PRKG2: variants seen among roughly 807,000 people sequenced by gnomAD.
PRKG2 encodes the protein protein kinase cGMP-dependent 2.
In PRKG2, 33 loss-of-function variants were observed where a neutral mutation model predicts 97.2. The ratio of observed to expected loss-of-function variants is 0.34; its 90% CI spans 0.26 to 0.45. The LOEUF is 0.45. Ranked by LOEUF, PRKG2 falls within the 20% of genes least tolerant of loss-of-function variation. The pLI is 1.00. For missense variants in PRKG2, 638 were observed against 900.0 expected (o/e 0.71, Z 3.73); for synonymous variants, 330 against 321.8 (o/e 1.03, Z -0.27).
intron 2 of PRKG2, among the ~76,000 whole-genome samples, chr4:81,179,793 G>A (rs1751249074): frequency 6.6e-6 from 1 of 152,112 alleles, no homozygotes; most frequent in Non-Finnish European, 1.5e-5. Flanking sequence ...AAGGATGCAT[G>A]CCATAATTTA....
At chr4:81,162,134 T>C (rs1035130759) in intron 6 of PRKG2, among the ~76,000 whole-genome samples, 5 of 152,170 alleles carry the variant, frequency 3.3e-5, no homozygotes, top group African/African-American at 1.2e-4. Flanking sequence ...ATTAAGATTA[T>C]ATTTACTACT....
chr4:81,168,397 A>AT (rs1385223518), intron 5 of PRKG2, among the ~76,000 whole-genome samples: 2 of 152,146 alleles, frequency 1.3e-5, no homozygotes. Flanking sequence ...GAAAGAATGA[A>AT]TATTCACTAG....
chr4:81,171,632 C>T, intron 4 of PRKG2, 59 bp downstream of exon 4: 1 of 1,335,304 alleles, frequency 7.5e-7, no homozygotes, highest in Non-Finnish European at 1.0e-6. Flanking sequence ...TGTGACTGGA[C>T]TAGATTATCT....
intron 14 of PRKG2, 139 bp from the exon 15 acceptor site, chr4:81,110,750 A>AGAGAG (rs1553919002): frequency 1.7e-5 from 6 of 358,878 alleles, no homozygotes; most frequent in African/African-American, 3.2e-5. Context: ...CACACACACA[A>AGAGAG]AGAGAGAGAG....
intron 14 of PRKG2, among the ~76,000 whole-genome samples, chr4:81,121,060 C>CT (rs1194415453): frequency 3.3e-5 from 5 of 151,670 alleles, no homozygotes; most frequent in African/African-American, 7.3e-5. Flanking sequence ...TAATATAATG[C>CT]TTTTTTTTCA....
intron 14 of PRKG2, among the ~76,000 whole-genome samples, chr4:81,124,426 A>G (rs532980997): frequency 7.9e-5 from 12 of 152,202 alleles, no homozygotes; most frequent in African/African-American, 1.2e-4. Flanking sequence ...TCATCCCACA[A>G]TGAATTAGAG....
At chr4:81,140,746 T>C in intron 11 of PRKG2, 77 bp from the exon 12 acceptor site, 1 of 1,308,568 alleles carries the variant, frequency 7.6e-7, no homozygotes, top group Non-Finnish European at 1.1e-6. Flanking sequence ...GAGTTAAAAC[T>C]GTTTCATGTT....
chr4:81,171,041 T>C (rs1323479787), intron 4 of PRKG2, among the ~76,000 whole-genome samples: 1 of 152,166 alleles, frequency 6.6e-6, no homozygotes. Flanking sequence ...AGGATACACA[T>C]GCAAGACATG....
rs184856475 is a variant in PRKG2 at position 81,195,951 on chromosome 4, C to A, written c.461+8636G>T. On this transcript the variant is annotated intron_variant, in intron 2 of 18. Coordinates refer to ENST00000264399, the MANE Select transcript of PRKG2 (RefSeq NM_006259.3). ...ATGAGGAGTGAGGACCTGTGACTTG[C>A]TCCTCATCAACAAAACACAGCAATG... 3.9e-5 allele frequency among the ~76,000 whole-genome samples: 6 copies of A among 152,282 alleles called. No individual in the cohort carries two copies. The South Asian group carries it at 1.2e-3, about 32-fold the overall frequency.
At position 81,137,427 on chromosome 4, in the gene PRKG2, A is replaced by G. The variant is rs146605505; in HGVS notation, c.1600T>C (p.Leu534=). The stretch of plus-strand genomic sequence containing the variant: ...AATATACTCCAGAGCTCCCCACCTA[A>G]GCAGGCCTCCAGAAGCATGTATACA... The part of the protein sequence containing the change: ...KYVYMLLEAC[L]GGELWSILRD... Residue 534 remains leucine (L), a synonymous_variant, in exon 13 of 19, where the codon TTA becomes CTA. Transcript: ENST00000264399. 27 of 1,612,862 alleles carry G rather than the reference A, an allele frequency of 1.7e-5. No homozygotes were observed. The African/African-American group carries it at 3.3e-4, about 20-fold the overall frequency.
chr4:81,097,624 T>A (rs1368557356), intron 17 of PRKG2, among the ~76,000 whole-genome samples: 3 of 152,222 alleles, frequency 2.0e-5, no homozygotes, highest in African/African-American at 7.2e-5. Context: ...TATTCTTCAC[T>A]GAAAATCTGT....
Position 81,110,636 on chromosome 4 carries a change from G to C in PRKG2, c.1777-25C>G, listed in dbSNP as rs547207737. On this transcript the variant is annotated intron_variant, in intron 14 of 18. Coordinates refer to ENST00000264399, the MANE Select transcript of PRKG2 (RefSeq NM_006259.3). ...CCTGGTAAAGAATAGCAAAGAAATT[G>C]TGCAGAAACCATAAAACTCATGCTC... 129 of 1,612,392 alleles carry C rather than the reference G, an allele frequency of 8.0e-5. 2 individuals are homozygous for C. The highest frequency in any genetic ancestry group is 5.3e-4 in the South Asian group (48 of 90,928).
intron 2 of PRKG2, among the ~76,000 whole-genome samples, chr4:81,191,083 G>A (rs1752443934): frequency 6.6e-6 from 1 of 151,700 alleles, no homozygotes; most frequent in African/African-American, 2.4e-5. Context: ...CCATTACTTG[G>A]TATATACCCA....
chr4:81,116,459 C>T (rs1398206778), intron 14 of PRKG2, among the ~76,000 whole-genome samples: 2 of 152,020 alleles, frequency 1.3e-5, no homozygotes, highest in African/African-American at 4.8e-5. Context: ...CATGTTTTTG[C>T]TCTTGGGAAT....
chr4:81,108,286 T>A (rs1455993973), intron 15 of PRKG2, among the ~76,000 whole-genome samples: 3 of 152,122 alleles, frequency 2.0e-5, no homozygotes, highest in Non-Finnish European at 4.4e-5. Context: ...TGACTTTCCA[T>A]GAACTACTTT....
rs190257825 is a variant in PRKG2, at chr4:81,187,716, C to T, written c.462-12757G>A. ...TGACATGATTGTATATTTCGCAAAC[C>T]CCATCGTCTCAGCCCAAAATCACCT... On this transcript the variant is annotated intron_variant, in intron 2 of 18. Coordinates refer to ENST00000264399, the MANE Select transcript of PRKG2 (RefSeq NM_006259.3). 7.2e-5 allele frequency among the ~76,000 whole-genome samples: 11 copies of T among 152,140 alleles called. No individual in the cohort carries two copies. The East Asian group carries it at 2.1e-3, about 29-fold the overall frequency.
At chr4:81,099,879 A>G (rs1004875526) in intron 17 of PRKG2, among the ~76,000 whole-genome samples, 2 of 152,184 alleles carry the variant, frequency 1.3e-5, no homozygotes, top group African/African-American at 4.8e-5. Context: ...AGGATACAAA[A>G]TCAATGTGCA....
At chr4:81,203,626 A>G (rs1450567402) in intron 2 of PRKG2, among the ~76,000 whole-genome samples, 1 of 152,200 alleles carries the variant, frequency 6.6e-6, no homozygotes, top group African/African-American at 2.4e-5. Flanking sequence ...AAAAATAGTA[A>G]GGGAAGGGAA....
chr4:81,126,892 A>G (rs1261516219), intron 14 of PRKG2, among the ~76,000 whole-genome samples: 1 of 152,114 alleles, frequency 6.6e-6, no homozygotes, highest in South Asian at 2.1e-4. Flanking sequence ...CCATTTGTCA[A>G]TTTTGGCTTT....
Sources: gnomAD v4.1 joint callset for allele counts (sites outside exome capture counted in the v4.1 genomes callset) on GRCh38, gnomAD v4.1.1 for gene constraint, MANE v1.5 for transcripts, NCBI Gene and HGNC (gene_info 2026-07-23, HGNC 2026-07-21) for gene names.